FSTL5: variants seen among roughly 807,000 people sequenced by gnomAD.
FSTL5 encodes follistatin like 5.
FSTL5 carries 62 observed loss-of-function variants against 89.1 expected under a neutral mutation model. That is an observed-to-expected ratio of 0.70 (90% CI 0.57 to 0.86). The LOEUF (loss-of-function observed/expected upper bound fraction) is 0.86. FSTL5 is among the 40% of genes least tolerant of loss of function. FSTL5 has a pLI of 0.00. For missense variants in FSTL5, 1,057 were observed against 1,001.6 expected (o/e 1.06, Z -0.75); for synonymous variants, 383 against 346.2 (o/e 1.11, Z -1.18).
At chr4:162,097,143 ATCT>A (rs1194501487) in intron 2 of FSTL5, among the ~76,000 whole-genome samples, 1 of 151,748 alleles carries the variant, frequency 6.6e-6, no homozygotes, top group African/African-American at 2.4e-5. Flanking sequence ...TGTATATTTA[ATCT>A]TCTCAGAGAA....
At chr4:162,015,053 T>C (rs1736878313) in intron 3 of FSTL5, among the ~76,000 whole-genome samples, 1 of 152,180 alleles carries the variant, frequency 6.6e-6, no homozygotes, top group South Asian at 2.1e-4. Context: ...CATCAATGGC[T>C]GGATAAATTT....
At chr4:162,128,944 A>G (rs79690961) in intron 1 of FSTL5, among the ~76,000 whole-genome samples, 13,999 of 149,282 alleles carry the variant, frequency 0.094, 854 homozygotes, top group African/African-American at 0.16. Context: ...TTTTTGAGAC[A>G]AAGTTTCACT....
At chr4:161,906,395 C>A (rs1363983065) in intron 4 of FSTL5, among the ~76,000 whole-genome samples, 1 of 151,962 alleles carries the variant, frequency 6.6e-6, no homozygotes. Context: ...TAAAATTGTT[C>A]CAGTTGCTCT....
chr4:161,712,586 A>G (rs768164443), intron 6 of FSTL5, among the ~76,000 whole-genome samples: 2 of 152,178 alleles, frequency 1.3e-5, no homozygotes, highest in Admixed American at 6.5e-5. Flanking sequence ...TTGTTTTCAA[A>G]TGATACATGG....
chr4:162,077,443 A>C (rs2111325110), intron 2 of FSTL5, among the ~76,000 whole-genome samples: 1 of 152,036 alleles, frequency 6.6e-6, no homozygotes, highest in Non-Finnish European at 1.5e-5. Flanking sequence ...GCTTAAAGAC[A>C]CTGTAATAAC....
chr4:161,989,066 A>G (rs1736039984), intron 3 of FSTL5, among the ~76,000 whole-genome samples: 1 of 152,174 alleles, frequency 6.6e-6, no homozygotes, highest in South Asian at 2.1e-4. Flanking sequence ...TTCTACTTAA[A>G]TCTTTGATTC....
At chr4:161,472,409 TC>T (rs1733977608) in intron 13 of FSTL5, among the ~76,000 whole-genome samples, 1 of 152,142 alleles carries the variant, frequency 6.6e-6, no homozygotes, top group Non-Finnish European at 1.5e-5. Context: ...TCTTTTTCTT[TC>T]CGTTTTTTTA....
chr4:162,150,066 G>A (rs1208839464), intron 1 of FSTL5, among the ~76,000 whole-genome samples: 1 of 152,062 alleles, frequency 6.6e-6, no homozygotes, highest in Non-Finnish European at 1.5e-5. Flanking sequence ...GGCTAATCAG[G>A]ATTGTATCAG....
chr4:161,998,034 T>C (rs1467182571), intron 3 of FSTL5, among the ~76,000 whole-genome samples: 1 of 152,182 alleles, frequency 6.6e-6, no homozygotes, highest in Non-Finnish European at 1.5e-5. Context: ...GTTAGGAGAA[T>C]ACAAGAAATA....
intron 1 of FSTL5, among the ~76,000 whole-genome samples, chr4:162,139,729 C>T (rs1401800080): frequency 2.0e-5 from 3 of 152,052 alleles, no homozygotes; most frequent in African/African-American, 4.8e-5. Flanking sequence ...CATAATGCAG[C>T]AAAATTTCCT....
intron 15 of FSTL5, among the ~76,000 whole-genome samples, chr4:161,433,508 A>C (rs78837478): frequency 0.048 from 7,237 of 152,134 alleles, 439 homozygotes; most frequent in East Asian, 0.19. Context: ...ACACAACAGG[A>C]ATGCCCACTT....
chr4:161,548,251 T>TA (rs1429804501), intron 8 of FSTL5, among the ~76,000 whole-genome samples: 1 of 151,874 alleles, frequency 6.6e-6, no homozygotes, highest in Non-Finnish European at 1.5e-5. Context: ...ATTGATTACT[T>TA]AGTATCTGCG....
At chr4:161,716,749 CTT>C (rs1419399194) in intron 6 of FSTL5, among the ~76,000 whole-genome samples, 1 of 151,996 alleles carries the variant, frequency 6.6e-6, no homozygotes, top group Non-Finnish European at 1.5e-5. Flanking sequence ...GAATGTGAGA[CTT>C]TATGTATTTC....
intron 3 of FSTL5, among the ~76,000 whole-genome samples, chr4:162,003,713 T>A (rs546736459): frequency 6.6e-6 from 1 of 152,324 alleles, no homozygotes; most frequent in African/African-American, 2.4e-5. Context: ...GTAAATATAA[T>A]AGGTGGCATA....
At position 162,090,611 on chromosome 4, in the gene FSTL5, A is replaced by T. The variant is rs532001067; in HGVS notation, c.126+20660T>A. On this transcript the variant is annotated intron_variant, in intron 2 of 15. Coordinates refer to ENST00000306100, the MANE Select transcript of FSTL5 (RefSeq NM_020116.5). ...TGAGGCAGGTGGATCACTTGAGGCC[A>T]GGAGTTCGAGACTAGCCTGGCCAAC... is the stretch of plus-strand genomic sequence containing the variant. Among the ~76,000 whole-genome samples the T allele has an allele frequency of 1.6e-4, 24 of 152,178 alleles. No individual in the cohort carries two copies. The South Asian group carries it at 4.4e-3, about 28-fold the overall frequency.
chr4:161,392,510 C>A (rs1260808377), intron 15 of FSTL5, among the ~76,000 whole-genome samples: 1 of 152,174 alleles, frequency 6.6e-6, no homozygotes, highest in Non-Finnish European at 1.5e-5. Context: ...TAGAAATAAA[C>A]CACTGTACTC....
intron 4 of FSTL5, among the ~76,000 whole-genome samples, chr4:161,789,142 T>C (rs1022657532): frequency 3.3e-5 from 5 of 152,280 alleles, no homozygotes; most frequent in Admixed American, 1.3e-4. Context: ...CAAAAATATA[T>C]AGCTTAGTAA....
chr4:161,704,859 C>T (rs1287037841), intron 6 of FSTL5, among the ~76,000 whole-genome samples: 2 of 152,098 alleles, frequency 1.3e-5, no homozygotes, highest in African/African-American at 4.8e-5. Flanking sequence ...TTACGAGCCA[C>T]TAGAGGTGCA....
chr4:161,685,591 T>C (rs745867290), intron 6 of FSTL5, among the ~76,000 whole-genome samples: 1 of 152,222 alleles, frequency 6.6e-6, no homozygotes, highest in Non-Finnish European at 1.5e-5. Context: ...GAAGAGATAC[T>C]GATTAGCTTA....
Sources: gnomAD v4.1 joint callset for allele counts (sites outside exome capture counted in the v4.1 genomes callset) on GRCh38, gnomAD v4.1.1 for gene constraint, MANE v1.5 for transcripts, NCBI Gene and HGNC (gene_info 2026-07-23, HGNC 2026-07-21) for gene names.